The following TCF12 variants were observed in gnomAD, a reference collection of about 807,000 sequenced individuals.
TCF12 encodes DNA-binding protein HTF4.
In TCF12, 45 loss-of-function variants were observed where a neutral mutation model predicts 86.0. That is an observed-to-expected ratio of 0.52 (90% CI 0.41 to 0.67). The LOEUF is 0.67. Ranked by LOEUF, TCF12 falls within the 30% of genes least tolerant of loss-of-function variation. The probability of loss-of-function intolerance (pLI) is 0.00; values close to 1 mark genes in which losing one functional copy is unlikely to be tolerated. For synonymous variants in TCF12, 330 were observed against 299.6 expected (o/e 1.10, Z -1.05); for missense variants, 881 against 859.9 (o/e 1.02, Z -0.31).
intron 17 of TCF12, among the ~76,000 whole-genome samples, chr15:57,262,422 C>T (rs2060631893): frequency 6.6e-6 from 1 of 152,102 alleles, no homozygotes; most frequent in Non-Finnish European, 1.5e-5. Context: ...ACGTACAGAC[C>T]ATTGTTCAGT....
chr15:57,108,240 C>T (rs1182543628), intron 5 of TCF12, among the ~76,000 whole-genome samples: 2 of 151,840 alleles, frequency 1.3e-5, no homozygotes, highest in African/African-American at 2.4e-5. Context: ...AAAGGCAGTA[C>T]AGGAGAAAAA....
intron 3 of TCF12, among the ~76,000 whole-genome samples, chr15:57,053,079 A>C (rs1470138914): frequency 1.3e-5 from 2 of 152,124 alleles, no homozygotes; most frequent in African/African-American, 4.8e-5. Flanking sequence ...ATTCTCACCA[A>C]CAATGTACGG....
chr15:57,076,536 C>G (rs2070061337), intron 4 of TCF12, among the ~76,000 whole-genome samples: 3 of 151,712 alleles, frequency 2.0e-5, no homozygotes, highest in Non-Finnish European at 2.9e-5. Flanking sequence ...GCCTGTAGTC[C>G]CAGCTACTGG....
intron 6 of TCF12, among the ~76,000 whole-genome samples, chr15:57,173,673 C>T (rs1373268841): frequency 6.6e-6 from 1 of 150,492 alleles, no homozygotes; most frequent in African/African-American, 2.4e-5. Flanking sequence ...CAAGAGGAGA[C>T]AAATTGAAAC....
chr15:56,958,074 C>G (rs1378955769), intron 3 of TCF12, among the ~76,000 whole-genome samples: 1 of 152,174 alleles, frequency 6.6e-6, no homozygotes, highest in Admixed American at 6.5e-5. Flanking sequence ...TAGAGTTATT[C>G]AGTCTCTAGC....
intron 3 of TCF12, among the ~76,000 whole-genome samples, chr15:56,984,225 C>T (rs2063053362): frequency 6.9e-6 from 1 of 144,718 alleles, no homozygotes. Flanking sequence ...CAACTATATA[C>T]AAATTTAGGA....
intron 5 of TCF12, among the ~76,000 whole-genome samples, chr15:57,101,434 T>A (rs1373538155): frequency 1.3e-5 from 2 of 152,166 alleles, no homozygotes; most frequent in Non-Finnish European, 2.9e-5. Flanking sequence ...TGGTCCGAAC[T>A]CTTAGGTTCA....
At chr15:57,084,674 A>G (rs1285045132) in intron 4 of TCF12, among the ~76,000 whole-genome samples, 1 of 152,166 alleles carries the variant, frequency 6.6e-6, no homozygotes, top group African/African-American at 2.4e-5. Flanking sequence ...ACTATCTGCA[A>G]AAGACTAGCT....
At chr15:57,067,851 A>T (rs1200668426) in intron 4 of TCF12, among the ~76,000 whole-genome samples, 1 of 152,192 alleles carries the variant, frequency 6.6e-6, no homozygotes, top group Non-Finnish European at 1.5e-5. Flanking sequence ...AGCACCTGAG[A>T]CTGAAAGGAG....
intron 3 of TCF12, among the ~76,000 whole-genome samples, chr15:57,040,691 A>C (rs1374692702): frequency 1.3e-5 from 2 of 152,144 alleles, no homozygotes; most frequent in Non-Finnish European, 1.5e-5. Context: ...AGAATATCTC[A>C]TGATCAGATG....
At chr15:56,959,701 A>G (rs776764935) in intron 3 of TCF12, among the ~76,000 whole-genome samples, 3 of 152,204 alleles carry the variant, frequency 2.0e-5, no homozygotes, top group Admixed American at 6.5e-5. Context: ...CGGCTTTTTA[A>G]TCTACTTACA....
intron 3 of TCF12, among the ~76,000 whole-genome samples, chr15:57,034,172 A>G (rs1009908576): frequency 6.6e-6 from 1 of 152,206 alleles, no homozygotes; most frequent in Non-Finnish European, 1.5e-5. Context: ...ATTGATGTAT[A>G]TAGGACTGAT....
At chr15:56,931,212 T>C (rs1413659981) in intron 3 of TCF12, among the ~76,000 whole-genome samples, 2 of 152,170 alleles carry the variant, frequency 1.3e-5, no homozygotes. Flanking sequence ...AAATTCTTCT[T>C]GGAATATAAG....
intron 11 of TCF12, among the ~76,000 whole-genome samples, chr15:57,233,138 A>G (rs1395535961): frequency 6.7e-6 from 1 of 149,400 alleles, no homozygotes; most frequent in Non-Finnish European, 1.5e-5. Context: ...GTATATATGT[A>G]TATATATGTG....
At chr15:56,972,208 A>T (rs1400045555) in intron 3 of TCF12, among the ~76,000 whole-genome samples, 1 of 152,258 alleles carries the variant, frequency 6.6e-6, no homozygotes, top group African/African-American at 2.4e-5. Context: ...AATGCTAATT[A>T]GTACAGCCCT....
At chr15:56,998,515 A>T (rs1275708707) in intron 3 of TCF12, among the ~76,000 whole-genome samples, 1 of 151,902 alleles carries the variant, frequency 6.6e-6, no homozygotes, top group Non-Finnish European at 1.5e-5. Flanking sequence ...AATCTAATTG[A>T]CATTTGTAGT....
intron 3 of TCF12, among the ~76,000 whole-genome samples, chr15:56,957,572 A>G (rs993375883): frequency 2.0e-5 from 3 of 152,040 alleles, no homozygotes; most frequent in African/African-American, 7.2e-5. Flanking sequence ...GTGTCTTTTT[A>G]TATCTTCTAT....
chr15:56,938,699 G>T (rs753919761), intron 3 of TCF12, among the ~76,000 whole-genome samples: 44 of 134,554 alleles, frequency 3.3e-4, no homozygotes, highest in Non-Finnish European at 5.3e-4. Flanking sequence ...GTCGCTGCTT[G>T]TTTCTTTGAT....
chr15:57,268,516 C>A (rs1399883225), intron 18 of TCF12, among the ~76,000 whole-genome samples: 1 of 152,160 alleles, frequency 6.6e-6, no homozygotes, highest in African/African-American at 2.4e-5. Context: ...GCTTCCCAAA[C>A]CACTTAGGTT....
Sources: allele counts gnomAD v4.1 joint callset (sites outside exome capture counted in the v4.1 genomes callset), GRCh38; gene constraint gnomAD v4.1.1; transcripts MANE v1.5; gene names NCBI Gene and HGNC (gene_info 2026-07-23, HGNC 2026-07-21).